The following CLINT1 variants were observed in gnomAD, a reference collection of about 807,000 sequenced individuals.
CLINT1 encodes clathrin interacting protein localized in the trans-Golgi region.
CLINT1 carries 15 observed loss-of-function variants against 70.4 expected under a neutral mutation model. The observed-to-expected ratio is 0.21, with a 90% CI of 0.14 to 0.33. The LOEUF is 0.33. Among genes scored for constraint, CLINT1 ranks in the 10% least tolerant of loss-of-function variants. CLINT1 has a pLI of 1.00. For synonymous variants in CLINT1, 227 were observed against 254.7 expected, an observed-to-expected ratio of 0.89 and a Z score of 1.04; for missense variants, 615 against 778.1, an observed-to-expected ratio of 0.79 and a Z score of 2.49.
chr5:157,828,927 TAAAA>T (rs11379662), intron 1 of CLINT1, among the ~76,000 whole-genome samples: 4 of 103,376 alleles, frequency 3.9e-5, no homozygotes, highest in Admixed American at 2.1e-4. Flanking sequence ...TGTCTCTACT[TAAAA>T]AAAAAAAAAA....
rs369158389 is a variant in CLINT1, at chr5:157,800,694, TTTCA to T, written c.1012+2952_1012+2955del. ...AATTTAAGGCAAGAAACCTCCTAGA[TTTCA>T]TTCAAACTTTCTCAGTTACTATATT... is the stretch of plus-strand genomic sequence containing the variant. On this transcript the variant is annotated intron_variant, in intron 8 of 11. Coordinates refer to ENST00000411809, the MANE Select transcript of CLINT1 (RefSeq NM_014666.4). Among the ~76,000 whole-genome samples, 242 of 152,332 alleles carry T rather than the reference TTTCA, an allele frequency of 1.6e-3. 2 individuals carry two copies. The highest frequency in any genetic ancestry group is 5.4e-3 in the African/African-American group (226 of 41,572).
chr5:157,813,730 C>T (rs756330852), intron 4 of CLINT1, among the ~76,000 whole-genome samples: 7 of 152,108 alleles, frequency 4.6e-5, no homozygotes, highest in South Asian at 2.1e-4. Flanking sequence ...AAGTGGGGTA[C>T]GCTACAAAAT....
At chr5:157,833,805 G>A (rs1763326167) in intron 1 of CLINT1, among the ~76,000 whole-genome samples, 1 of 151,890 alleles carries the variant, frequency 6.6e-6, no homozygotes, top group Non-Finnish European at 1.5e-5. Context: ...TCCAGGCAAG[G>A]TGGTGTGCAC....
At chr5:157,819,903 A>T (rs1762829505) in intron 1 of CLINT1, among the ~76,000 whole-genome samples, 1 of 152,222 alleles carries the variant, frequency 6.6e-6, no homozygotes, top group African/African-American at 2.4e-5. Flanking sequence ...CATGGGTCAA[A>T]TAAGAAAGGT....
chr5:157,816,398 T>C (rs1259450715), intron 3 of CLINT1, among the ~76,000 whole-genome samples: 4 of 152,288 alleles, frequency 2.6e-5, no homozygotes, highest in South Asian at 4.1e-4. Flanking sequence ...TGACAAACCA[T>C]ATCAGACTGT....
chr5:157,814,952 G>A (rs940630675), intron 3 of CLINT1, among the ~76,000 whole-genome samples: 5 of 149,322 alleles, frequency 3.3e-5, no homozygotes, highest in African/African-American at 5.0e-5. Context: ...AGAATCACTC[G>A]AACCCAGAAG....
intron 1 of CLINT1, among the ~76,000 whole-genome samples, chr5:157,836,164 T>C (rs1279637995): frequency 6.6e-6 from 1 of 152,240 alleles, no homozygotes; most frequent in Non-Finnish European, 1.5e-5. Context: ...ACAGCCATAT[T>C]TGTTTGGTTA....
chr5:157,818,624 G>C (rs1391462643), intron 1 of CLINT1, among the ~76,000 whole-genome samples: 1 of 151,926 alleles, frequency 6.6e-6, no homozygotes, highest in Non-Finnish European at 1.5e-5. Flanking sequence ...ACCCCAGCCT[G>C]GGCAATACAG....
rs546613032 is a variant in CLINT1, at chr5:157,814,956, C to T, written c.244-663G>A. Among the ~76,000 whole-genome samples, 4 of 151,636 alleles carry T rather than the reference C, an allele frequency of 2.6e-5. No homozygotes were observed. The South Asian group carries it at 8.4e-4, about 32-fold the overall frequency. On this transcript the variant is annotated intron_variant, in intron 3 of 11. Transcript: ENST00000411809. ...GCTGAAGCACAAGAATCACTCGAAC[C>T]CAGAAGGTGGAGGTTGCAGTGAGCT...
chr5:157,820,935 C>T (rs1160505475), intron 1 of CLINT1, among the ~76,000 whole-genome samples: 1 of 152,080 alleles, frequency 6.6e-6, no homozygotes, highest in Non-Finnish European at 1.5e-5. Flanking sequence ...AAAAAGACAC[C>T]GCCCCTCCCC....
intron 7 of CLINT1, 128 bp from the exon 8 acceptor site, chr5:157,803,847 G>GA: frequency 1.9e-6 from 1 of 525,786 alleles, no homozygotes. Context: ...GGGTTTTCTG[G>GA]AAAAAGAGTA....
intron 6 of CLINT1, among the ~76,000 whole-genome samples, chr5:157,808,016 A>AT (rs1175806188): frequency 6.6e-6 from 1 of 152,116 alleles, no homozygotes; most frequent in Non-Finnish European, 1.5e-5. Context: ...GCTAGAACTT[A>AT]TTTTTAGCAC....
intron 1 of CLINT1, among the ~76,000 whole-genome samples, chr5:157,831,965 G>A (rs1167132051): frequency 1.3e-5 from 2 of 151,806 alleles, no homozygotes; most frequent in African/African-American, 4.8e-5. Context: ...CAAAGTGCTG[G>A]GATTACAAGC....
chr5:157,799,295 C>T (rs1227592463), intron 8 of CLINT1, among the ~76,000 whole-genome samples: 1 of 151,946 alleles, frequency 6.6e-6, no homozygotes, highest in Non-Finnish European at 1.5e-5. Context: ...AGTTAGTGTA[C>T]TAAGAATGGA....
At chr5:157,835,041 G>A (rs753948858) in intron 1 of CLINT1, among the ~76,000 whole-genome samples, 66 of 152,256 alleles carry the variant, frequency 4.3e-4, no homozygotes, top group Admixed American at 1.4e-3. Context: ...CCCATCCGAG[G>A]TCAAACAAGC....
chr5:157,807,000 G>GAGAA (rs1202801450), intron 6 of CLINT1, among the ~76,000 whole-genome samples: 2 of 151,996 alleles, frequency 1.3e-5, no homozygotes, highest in African/African-American at 4.8e-5. Context: ...GCGAAAGAGA[G>GAGAA]AGAAAGAGAG....
intron 8 of CLINT1, among the ~76,000 whole-genome samples, chr5:157,802,638 C>T (rs113621947): frequency 0.13 from 20,031 of 151,450 alleles, 1,537 homozygotes; most frequent in Non-Finnish European, 0.19. Flanking sequence ...CTCCGCCTCC[C>T]GGGTTCAAGT....
At chr5:157,847,629 T>C (rs1456474714) in intron 1 of CLINT1, among the ~76,000 whole-genome samples, 1 of 152,222 alleles carries the variant, frequency 6.6e-6, no homozygotes, top group Non-Finnish European at 1.5e-5. Flanking sequence ...CGGACGTCAC[T>C]GCAGATGTGG....
intron 1 of CLINT1, among the ~76,000 whole-genome samples, chr5:157,830,572 T>G (rs950441437): frequency 6.6e-6 from 1 of 151,970 alleles, no homozygotes; most frequent in Admixed American, 6.6e-5. Context: ...GGGTTTTTGT[T>G]GGGTTTAAAC....
Sources: gnomAD v4.1 joint callset for allele counts (sites outside exome capture counted in the v4.1 genomes callset) on GRCh38, gnomAD v4.1.1 for gene constraint, MANE v1.5 for transcripts, NCBI Gene and HGNC (gene_info 2026-07-23, HGNC 2026-07-21) for gene names.